HSF2BP: variants seen among roughly 807,000 people sequenced by gnomAD.
The protein encoded by HSF2BP is heat shock transcription factor 2 binding protein.
A neutral mutation model predicts 35.0 loss-of-function variants in HSF2BP; 35 were observed. The ratio of observed to expected loss-of-function variants is 1.00; its 90% CI spans 0.76 to 1.32. The LOEUF is 1.32. Ranked by LOEUF, HSF2BP falls within the 40% of genes most tolerant of loss-of-function variation. The pLI, the probability that HSF2BP is intolerant of heterozygous loss-of-function variation, is 0.00. For synonymous variants in HSF2BP, 114 were observed against 117.4 expected (o/e 0.97, Z 0.18); for missense variants, 326 against 321.7 (o/e 1.01, Z -0.10).
intron 7 of HSF2BP, among the ~76,000 whole-genome samples, chr21:43,612,955 C>A (rs1601668333): frequency 6.6e-6 from 1 of 152,138 alleles, no homozygotes; most frequent in East Asian, 1.9e-4. Context: ...CTGATTATGT[C>A]ATTGCCTGGA....
intron 8 of HSF2BP, among the ~76,000 whole-genome samples, chr21:43,578,109 C>T (rs1009508484): frequency 3.9e-5 from 6 of 152,310 alleles, no homozygotes; most frequent in East Asian, 3.9e-4. Context: ...TTCACACGAA[C>T]GTGCGTCACA....
intron 1 of HSF2BP, among the ~76,000 whole-genome samples, chr21:43,658,943 C>T (rs368325457): frequency 2.0e-5 from 3 of 152,244 alleles, no homozygotes; most frequent in Non-Finnish European, 2.9e-5. Flanking sequence ...TTAAAAACTC[C>T]ACGCCACGGA....
chr21:43,506,798 G>A, the HSF2BP span, among the ~76,000 whole-genome samples: 2 of 99,218 alleles, frequency 2.0e-5, 1 homozygote, highest in Non-Finnish European at 4.7e-5. Context: ...CACAGCCACC[G>A]CAGGCCCCCG....
chr21:43,577,644 TCTGGA>T (rs2081660554), intron 8 of HSF2BP, among the ~76,000 whole-genome samples: 13 of 152,170 alleles, frequency 8.5e-5, no homozygotes, highest in Admixed American at 8.5e-4. Flanking sequence ...TGTGCCCACC[TCTGGA>T]CTGTCAGGCC....
At chr21:43,589,107 C>T (rs563499920) in intron 8 of HSF2BP, among the ~76,000 whole-genome samples, 1 of 152,312 alleles carries the variant, frequency 6.6e-6, no homozygotes, top group African/African-American at 2.4e-5. Context: ...AGGCCACATA[C>T]ATGCTGTGTG....
At chr21:43,646,976 C>A (rs377015575) in intron 3 of HSF2BP, among the ~76,000 whole-genome samples, 2 of 152,156 alleles carry the variant, frequency 1.3e-5, no homozygotes, top group Admixed American at 1.3e-4. Context: ...CTATGCCCAC[C>A]CTCCAAATGT....
At chr21:43,642,296 G>A (rs992647753) in intron 4 of HSF2BP, among the ~76,000 whole-genome samples, 12 of 152,020 alleles carry the variant, frequency 7.9e-5, no homozygotes, top group Non-Finnish European at 1.5e-4. Flanking sequence ...CCAGGAGGTC[G>A]AAGCTACTGC....
intron 7 of HSF2BP, among the ~76,000 whole-genome samples, chr21:43,593,227 C>A (rs1400033931): frequency 6.6e-6 from 1 of 152,126 alleles, no homozygotes; most frequent in East Asian, 1.9e-4. Flanking sequence ...ACAGGCCCTG[C>A]AGAAACCAGA....
intron 3 of HSF2BP, among the ~76,000 whole-genome samples, chr21:43,644,710 T>C (rs556387154): frequency 2.4e-4 from 37 of 152,308 alleles, no homozygotes; most frequent in African/African-American, 8.4e-4. Flanking sequence ...AAGGCAGAGC[T>C]GAGAAGCCCG....
In HSF2BP at chr21:43,630,328, C is replaced by T. The variant is rs147021279; in HGVS notation, c.568G>A (p.Val190Ile). ...SQFVFALAGI[V>I]TNVAAIACGR... ...CAGGTGCGCCTGCACTTACTCGTGA[C>T]AATTCCAGCCAGAGCGAAAACAAAC... The change falls in exon 6 of 9, where the codon GTC becomes ATC. Residue 190 changes from valine to isoleucine, a missense_variant. Val to Ile is a conservative substitution (Grantham distance 29). Transcript: ENST00000291560. The T allele has an allele frequency of 1.7e-5, 28 of 1,611,408 alleles. No homozygotes were observed. In the African/African-American group the frequency reaches 3.1e-4, roughly 18 times the overall value.
chr21:43,592,214 AC>A lies in HSF2BP; in HGVS notation c.796+10del, dbSNP rs759941168. Reference sequence around the variant, plus strand: ...CGTACAAGCAGCTGGACAGATAACCACCCCCCTTACCACTCAAAAGCCACCA... The same window carrying A: ...CGTACAAGCAGCTGGACAGATAACCACCCCCTTACCACTCAAAAGCCACCA... On this transcript the variant is annotated intron_variant, in intron 8 of 8. Coordinates refer to ENST00000291560, the MANE Select transcript of HSF2BP (RefSeq NM_007031.2). The A allele has an allele frequency of 1.2e-4, 190 of 1,577,210 alleles. No homozygotes were observed. Among genetic ancestry groups the A allele is most frequent in the Non-Finnish European group, 1.5e-4 (174 of 1,146,954 alleles).
At position 43,644,299 on chromosome 21, in the gene HSF2BP, C is replaced by T. The variant is rs2082679650; in HGVS notation, c.281G>A (p.Arg94Lys). The T allele has an allele frequency of 6.2e-7, 1 of 1,613,712 alleles. No individual in the cohort carries two copies. Among genetic ancestry groups the T allele is most frequent in the Non-Finnish European group, 8.5e-7 (1 of 1,179,576 alleles). The change falls in exon 4 of 9, where the codon AGA becomes AAA. Residue 94 changes from arginine to lysine, a missense_variant. Transcript: ENST00000291560. ...RLETVQADNI[R>K]EKKEKLALRQ... is the part of the protein sequence containing the mutation. ...CCCTGAGCATGGTACCTTCTTCTCT[C>T]TTATGTTGTCGGCCTGCACGGTTTC... is the stretch of plus-strand genomic sequence containing the variant.
chr21:43,653,207 GAA>G (rs2082817229), intron 3 of HSF2BP, among the ~76,000 whole-genome samples: 1 of 123,012 alleles, frequency 8.1e-6, no homozygotes, highest in Admixed American at 8.4e-5. Flanking sequence ...AAGGGGAAGG[GAA>G]GGGAAGGGGA....
chr21:43,639,995 T>C (rs1485379452), intron 4 of HSF2BP, among the ~76,000 whole-genome samples: 1 of 152,168 alleles, frequency 6.6e-6, no homozygotes, highest in African/African-American at 2.4e-5. Context: ...GCAACTTGGA[T>C]GTATCTGAGT....
chr21:43,653,079 G>C (rs2082812665), intron 3 of HSF2BP, among the ~76,000 whole-genome samples: 1 of 151,974 alleles, frequency 6.6e-6, no homozygotes. Context: ...AGGTTGCAGG[G>C]TTGCAGTGAG....
At chr21:43,639,873 C>A (rs367582782) in intron 4 of HSF2BP, among the ~76,000 whole-genome samples, 36 of 151,922 alleles carry the variant, frequency 2.4e-4, no homozygotes, top group Non-Finnish European at 4.7e-4. Context: ...GAAAAAAAAA[C>A]CGTAAGAACT....
chr21:43,467,990 CCA>C, the HSF2BP span, among the ~76,000 whole-genome samples: 58 of 76,958 alleles, frequency 7.5e-4, 1 homozygote, highest in African/African-American at 2.9e-3. Context: ...CACACCACAC[CCA>C]CACACACCAC....
chr21:43,605,630 A>G (rs2082125759), intron 7 of HSF2BP, among the ~76,000 whole-genome samples: 1 of 148,360 alleles, frequency 6.7e-6, no homozygotes, highest in South Asian at 2.2e-4. Context: ...CACACACACC[A>G]TGCATACCAC....
At chr21:43,467,917 ACACACACCACACAC>A in the HSF2BP span, among the ~76,000 whole-genome samples, 1 of 88,892 alleles carries the variant, frequency 1.1e-5, no homozygotes, top group African/African-American at 4.7e-5. Flanking sequence ...ACCACACACC[ACACACACCACACAC>A]CACACACACA....
Sources: allele counts gnomAD v4.1 joint callset (sites outside exome capture counted in the v4.1 genomes callset), GRCh38; gene constraint gnomAD v4.1.1; transcripts MANE v1.5; gene names NCBI Gene and HGNC (gene_info 2026-07-23, HGNC 2026-07-21).